The following DGKB variants were observed in gnomAD, a reference collection of about 807,000 sequenced individuals.
DGKB encodes 90 kDa diacylglycerol kinase.
A neutral mutation model predicts 114.3 loss-of-function variants in DGKB; 67 were observed. The observed-to-expected ratio is 0.59, with a 90% confidence interval of 0.48 to 0.72. The LOEUF is 0.72. Among genes scored for constraint, DGKB ranks in the 30% least tolerant of loss-of-function variants. The pLI is 0.00. For missense variants in DGKB, 907 were observed against 975.2 expected, an observed-to-expected ratio of 0.93 and a Z score of 0.93; for synonymous variants, 398 against 323.1, an observed-to-expected ratio of 1.23 and a Z score of -2.49.
At chr7:14,885,977 T>C (rs1393888857) in intron 1 of DGKB, among the ~76,000 whole-genome samples, 1 of 151,902 alleles carries the variant, frequency 6.6e-6, no homozygotes, top group Non-Finnish European at 1.5e-5. Flanking sequence ...ATCTACTGAA[T>C]TATTTTGAGC....
intron 18 of DGKB, among the ~76,000 whole-genome samples, chr7:14,582,648 A>T (rs1216873451): frequency 6.6e-6 from 1 of 152,170 alleles, no homozygotes; most frequent in African/African-American, 2.4e-5. Flanking sequence ...TGATAACGAT[A>T]CAAATGTATA....
chr7:14,937,025 TACACACACACAC>T lies in DGKB; in HGVS notation c.-188+37659_-188+37670del, dbSNP rs56176139. ...TATTGATGTGATTATGTCCATTCAC[TACACACACACAC>T]ACACACACACACACACACACACACA... On this transcript the variant is annotated intron_variant, in intron 1 of 4. Transcript: ENST00000437998. Among the ~76,000 whole-genome samples the T allele has an allele frequency of 2.2e-3, 289 of 132,334 alleles. 1 individual carries two copies. Among genetic ancestry groups the T allele is most frequent in the East Asian group, 9.7e-3 (41 of 4,220 alleles). The allele number at this position is 132,334 out of a possible 152,430, so 86.8% of individuals were successfully genotyped here.
intron 21 of DGKB, among the ~76,000 whole-genome samples, chr7:14,475,633 A>G (rs1308080510): frequency 1.3e-5 from 2 of 152,116 alleles, no homozygotes; most frequent in Admixed American, 6.6e-5. Flanking sequence ...AGCATTTTCT[A>G]TGTTATTATC....
chr7:14,208,938 T>G (rs372957716), intron 23 of DGKB: 2 of 152,034 alleles, frequency 1.3e-5, no homozygotes, highest in East Asian at 3.9e-4. Flanking sequence ...GATTCTCCTC[T>G]TCTTTCCACT....
intron 15 of DGKB, among the ~76,000 whole-genome samples, chr7:14,617,087 T>C (rs1806680917): frequency 6.6e-6 from 1 of 151,708 alleles, no homozygotes; most frequent in Admixed American, 6.6e-5. Context: ...CAATCACTTC[T>C]CTCTATATAC....
intron 20 of DGKB, among the ~76,000 whole-genome samples, chr7:14,548,645 G>A (rs1794666888): frequency 6.6e-6 from 1 of 152,040 alleles, no homozygotes; most frequent in South Asian, 2.1e-4. Context: ...GGAGATTGAG[G>A]CAGGCCCAGA....
At chr7:14,871,628 CT>C (rs1247766604) in intron 1 of DGKB, among the ~76,000 whole-genome samples, 1 of 152,116 alleles carries the variant, frequency 6.6e-6, no homozygotes, top group Non-Finnish European at 1.5e-5. Context: ...AGAATTAGGC[CT>C]TCTGTTTCTT....
At chr7:14,166,103 C>G (rs927083230) in intron 25 of DGKB, among the ~76,000 whole-genome samples, 1 of 152,320 alleles carries the variant, frequency 6.6e-6, no homozygotes, top group South Asian at 2.1e-4. Context: ...GTGTCTTATA[C>G]TAACAGATAA....
At chr7:14,190,253 C>A (rs1784103389) in intron 23 of DGKB, among the ~76,000 whole-genome samples, 1 of 152,038 alleles carries the variant, frequency 6.6e-6, no homozygotes, top group African/African-American at 2.4e-5. Context: ...GGAAATGTTA[C>A]AAATAGATGG....
chr7:14,534,134 A>G (rs2128600783), intron 20 of DGKB, among the ~76,000 whole-genome samples: 1 of 152,176 alleles, frequency 6.6e-6, no homozygotes, highest in East Asian at 1.9e-4. Flanking sequence ...ATAGAAAAAT[A>G]ATAAGTAAAC....
At chr7:14,219,677 A>G (rs999493628) in intron 23 of DGKB, among the ~76,000 whole-genome samples, 1 of 151,772 alleles carries the variant, frequency 6.6e-6, no homozygotes, top group African/African-American at 2.4e-5. Context: ...TTATAGAAAT[A>G]AGTCTCTATG....
At chr7:14,529,732 T>G (rs923069225) in intron 20 of DGKB, among the ~76,000 whole-genome samples, 2 of 151,844 alleles carry the variant, frequency 1.3e-5, no homozygotes, top group African/African-American at 4.8e-5. Flanking sequence ...AATTTTTTAG[T>G]GATTTTCTAC....
At chr7:14,613,638 A>T (rs1160393834) in intron 15 of DGKB, among the ~76,000 whole-genome samples, 1 of 151,904 alleles carries the variant, frequency 6.6e-6, no homozygotes, top group African/African-American at 2.4e-5. Flanking sequence ...AGGCATGCCT[A>T]TCTAGATAGA....
intron 20 of DGKB, among the ~76,000 whole-genome samples, chr7:14,560,486 C>T (rs796882380): frequency 2.6e-5 from 4 of 152,190 alleles, no homozygotes; most frequent in African/African-American, 7.2e-5. Context: ...GGGTTTATTT[C>T]ATCTAGGATA....
At chr7:14,492,939 G>T (rs1461242785) in intron 20 of DGKB, among the ~76,000 whole-genome samples, 2 of 152,024 alleles carry the variant, frequency 1.3e-5, no homozygotes, top group Non-Finnish European at 2.9e-5. Context: ...TTGCAAACAT[G>T]GAACTATCCC....
chr7:14,625,352 G>A (rs1018649029), intron 14 of DGKB, among the ~76,000 whole-genome samples: 5 of 152,154 alleles, frequency 3.3e-5, no homozygotes, highest in African/African-American at 7.2e-5. Context: ...TGAGAAAATT[G>A]TCTCTCCTTT....
At chr7:14,231,085 T>TTCTTTC (rs879505673) in intron 23 of DGKB, among the ~76,000 whole-genome samples, 70 of 41,864 alleles carry the variant, frequency 1.7e-3, no homozygotes, top group Admixed American at 5.3e-3. Context: ...TTCTTTCCCT[T>TTCTTTC]TCTTTCTTTC....
chr7:14,404,602 A>G (rs1277428451), intron 21 of DGKB, among the ~76,000 whole-genome samples: 1 of 151,974 alleles, frequency 6.6e-6, no homozygotes, highest in Admixed American at 6.6e-5. Flanking sequence ...AATTATGGAA[A>G]TAGAGCTGCA....
At chr7:14,377,611 T>C (rs978196608) in intron 21 of DGKB, among the ~76,000 whole-genome samples, 2 of 152,214 alleles carry the variant, frequency 1.3e-5, no homozygotes, top group African/African-American at 4.8e-5. Flanking sequence ...TACTTGTAAC[T>C]TGGTAACAAA....
Sources: allele counts gnomAD v4.1 joint callset (sites outside exome capture counted in the v4.1 genomes callset), GRCh38; gene constraint gnomAD v4.1.1; transcripts MANE v1.5; gene names NCBI Gene and HGNC (gene_info 2026-07-23, HGNC 2026-07-21).